CNTN5: variants seen among roughly 807,000 people sequenced by gnomAD.
The protein encoded by CNTN5 is contactin 5, also known as contactin-5.
In CNTN5, 77 loss-of-function variants were observed where a neutral mutation model predicts 129.1. The observed-to-expected ratio is 0.60, with a 90% confidence interval of 0.50 to 0.72. The LOEUF (loss-of-function observed/expected upper bound fraction) is 0.72. CNTN5 is among the 30% of genes least tolerant of loss of function. CNTN5 has a pLI of 0.00. For missense variants in CNTN5, 1,478 were observed against 1,328.8 expected (o/e 1.11, Z -1.75); for synonymous variants, 509 against 465.6 (o/e 1.09, Z -1.20).
chr11:99,759,919 C>T (rs752588769), intron 3 of CNTN5, among the ~76,000 whole-genome samples: 113 of 152,144 alleles, frequency 7.4e-4, no homozygotes, highest in Admixed American at 3.0e-3. Flanking sequence ...GACAGAGAAA[C>T]TGTGCTGGAG....
intron 9 of CNTN5, among the ~76,000 whole-genome samples, chr11:100,011,887 A>G (rs1340859849): frequency 1.3e-5 from 2 of 152,142 alleles, no homozygotes; most frequent in African/African-American, 4.8e-5. Flanking sequence ...AATGACAAAT[A>G]TTCCTCTGAG....
chr11:99,944,123 T>G (rs1256341726), intron 7 of CNTN5, among the ~76,000 whole-genome samples: 2 of 151,880 alleles, frequency 1.3e-5, no homozygotes, highest in Non-Finnish European at 2.9e-5. Context: ...TATGAATTAC[T>G]TCAGGCAGTA....
chr11:99,770,767 TA>T (rs1292471527), intron 3 of CNTN5, among the ~76,000 whole-genome samples: 10 of 152,094 alleles, frequency 6.6e-5, no homozygotes, highest in Non-Finnish European at 1.3e-4. Context: ...GCAAACCCTA[TA>T]AAAATTTCAA....
intron 21 of CNTN5, among the ~76,000 whole-genome samples, chr11:100,326,330 A>C (rs1157347697): frequency 2.0e-5 from 3 of 152,168 alleles, no homozygotes; most frequent in Non-Finnish European, 4.4e-5. Context: ...AGTGAACAAA[A>C]CTCCAAAAAC....
chr11:99,766,150 C>G (rs1269389852), intron 3 of CNTN5, among the ~76,000 whole-genome samples: 2 of 151,930 alleles, frequency 1.3e-5, no homozygotes, highest in African/African-American at 4.8e-5. Context: ...GAAATTTTAA[C>G]TTCATAGCTA....
chr11:99,399,974 C>T (rs2136208388), intron 2 of CNTN5, among the ~76,000 whole-genome samples: 1 of 152,128 alleles, frequency 6.6e-6, no homozygotes, highest in African/African-American at 2.4e-5. Flanking sequence ...TCTATCCCCT[C>T]AAGTATTTCT....
At chr11:99,688,646 T>A (rs1953900937) in intron 3 of CNTN5, among the ~76,000 whole-genome samples, 1 of 152,138 alleles carries the variant, frequency 6.6e-6, no homozygotes, top group Non-Finnish European at 1.5e-5. Flanking sequence ...ATTTCCAGGA[T>A]GTGCGGTTTT....
chr11:99,918,970 T>A (rs573891390), intron 7 of CNTN5, among the ~76,000 whole-genome samples: 2 of 152,260 alleles, frequency 1.3e-5, no homozygotes, highest in East Asian at 1.9e-4. Context: ...ACCTTTCAAG[T>A]TAGCCAGCCA....
intron 15 of CNTN5, among the ~76,000 whole-genome samples, chr11:100,207,173 CT>C (rs1948933686): frequency 6.6e-6 from 1 of 152,012 alleles, no homozygotes; most frequent in South Asian, 2.1e-4. Context: ...ACATGATAAG[CT>C]TTATAGTATT....
chr11:99,471,088 A>C (rs1020179992), intron 2 of CNTN5, among the ~76,000 whole-genome samples: 6 of 152,090 alleles, frequency 3.9e-5, no homozygotes, highest in Non-Finnish European at 8.8e-5. Context: ...GTCCCATTTC[A>C]CAAACTTTCC....
At chr11:100,294,206 T>C (rs996054406) in intron 18 of CNTN5, among the ~76,000 whole-genome samples, 2 of 151,718 alleles carry the variant, frequency 1.3e-5, no homozygotes, top group African/African-American at 2.4e-5. Flanking sequence ...GATTGGTAAA[T>C]GATTTCATTA....
chr11:99,411,441 G>T (rs1318015337), intron 2 of CNTN5, among the ~76,000 whole-genome samples: 3 of 152,176 alleles, frequency 2.0e-5, no homozygotes, highest in Admixed American at 1.3e-4. Flanking sequence ...GATGGCTTAA[G>T]CCTGGGAAAT....
At chr11:99,640,320 A>G (rs967573295) in intron 3 of CNTN5, among the ~76,000 whole-genome samples, 7 of 152,228 alleles carry the variant, frequency 4.6e-5, no homozygotes, top group Non-Finnish European at 7.3e-5. Flanking sequence ...CTGGGAAACA[A>G]AAATTTAATT....
At chr11:99,592,101 T>C (rs1949997973) in intron 3 of CNTN5, among the ~76,000 whole-genome samples, 1 of 152,210 alleles carries the variant, frequency 6.6e-6, no homozygotes, top group Non-Finnish European at 1.5e-5. Flanking sequence ...AGCTCCACTT[T>C]GAATATCTTA....
At chr11:99,601,447 A>T (rs1034129610) in intron 3 of CNTN5, among the ~76,000 whole-genome samples, 1 of 152,158 alleles carries the variant, frequency 6.6e-6, no homozygotes, top group Non-Finnish European at 1.5e-5. Flanking sequence ...TCTAAACATT[A>T]ATAATAGAAA....
chr11:100,332,558 C>T (rs1951926225), intron 21 of CNTN5, among the ~76,000 whole-genome samples: 1 of 151,916 alleles, frequency 6.6e-6, no homozygotes, highest in Non-Finnish European at 1.5e-5. Context: ...ATCAATATCC[C>T]TGATCATCAT....
At chr11:99,079,576 C>A (rs1342562121) in intron 1 of CNTN5, among the ~76,000 whole-genome samples, 1 of 152,150 alleles carries the variant, frequency 6.6e-6, no homozygotes, top group Non-Finnish European at 1.5e-5. Context: ...AGTGACCTCA[C>A]AATTTAATTG....
At chr11:99,970,661 G>C (rs892917543) in intron 8 of CNTN5, among the ~76,000 whole-genome samples, 2 of 152,136 alleles carry the variant, frequency 1.3e-5, no homozygotes, top group Admixed American at 1.3e-4. Flanking sequence ...CATTTTACTT[G>C]TGCATGTGTT....
intron 3 of CNTN5, among the ~76,000 whole-genome samples, chr11:99,731,581 A>AT (rs1453935039): frequency 4.6e-5 from 7 of 152,110 alleles, no homozygotes; most frequent in African/African-American, 1.4e-4. Flanking sequence ...TCAGAAATAT[A>AT]TTTTTTTAAC....
Sources: allele counts gnomAD v4.1 joint callset (sites outside exome capture counted in the v4.1 genomes callset), GRCh38; gene constraint gnomAD v4.1.1; transcripts MANE v1.5; gene names NCBI Gene and HGNC (gene_info 2026-07-23, HGNC 2026-07-21).